The following LYSMD1 variants were observed in gnomAD, a reference collection of about 807,000 sequenced individuals.
LYSMD1 encodes LysM domain containing 1, also known as lysM and putative peptidoglycan-binding domain-containing protein 1.
A neutral mutation model predicts 19.3 loss-of-function variants in LYSMD1; 9 were observed. The observed-to-expected ratio is 0.47, with a 90% CI of 0.28 to 0.81. The LOEUF (loss-of-function observed/expected upper bound fraction) is 0.81, where lower values mean the gene tolerates loss of function less well. Ranked by LOEUF, LYSMD1 falls within the 40% of genes least tolerant of loss-of-function variation. The pLI is 0.11. For synonymous variants in LYSMD1, 111 were observed against 111.7 expected, an observed-to-expected ratio of 0.99 and a Z score of 0.04; for missense variants, 262 against 279.8, an observed-to-expected ratio of 0.94 and a Z score of 0.45.
chr1:151,150,144 CAG>C, the LYSMD1 span, among the ~76,000 whole-genome samples: 2 of 152,106 alleles, frequency 1.3e-5, no homozygotes, highest in East Asian at 1.9e-4. Flanking sequence ...AAAATAGAGG[CAG>C]AGTCTCATTG....
At chr1:151,154,115 C>A in the LYSMD1 span, among the ~76,000 whole-genome samples, 1 of 152,180 alleles carries the variant, frequency 6.6e-6, no homozygotes, top group African/African-American at 2.4e-5. Context: ...TATTTATTGA[C>A]CACAGTATGT....
intron 1 of LYSMD1, among the ~76,000 whole-genome samples, chr1:151,163,715 A>T (rs1222127745): frequency 6.6e-6 from 1 of 151,666 alleles, no homozygotes; most frequent in Non-Finnish European, 1.5e-5. Context: ...TGTTGTAGAG[A>T]TGGGGTTTCA....
chr1:151,163,820 G>A lies in LYSMD1; in HGVS notation c.180+1259C>T, dbSNP rs955712061. Among the ~76,000 whole-genome samples the A allele has an allele frequency of 1.8e-4, 27 of 151,888 alleles. 1 individual carries two copies. Among genetic ancestry groups the A allele is most frequent in the Admixed American group, 1.6e-3 (24 of 15,244 alleles). On this transcript the variant is annotated intron_variant, in intron 1 of 2. Coordinates refer to ENST00000368908, the MANE Select transcript of LYSMD1 (RefSeq NM_212551.5). ...TGGGATTACAGGCATGAGCCACCAC[G>A]CCTGGCCCACCACAGCCCCTTTCCA...
At chr1:151,159,007 T>C, downstream of LYSMD1, 1 of 1,614,266 alleles carries the variant, frequency 6.2e-7, no homozygotes, top group South Asian at 1.1e-5. Context: ...GGCACTTAGC[T>C]TTGGTGAGGT....
At chr1:151,150,731 C>CT in the LYSMD1 span, among the ~76,000 whole-genome samples, 1 of 143,756 alleles carries the variant, frequency 7.0e-6, no homozygotes, top group African/African-American at 2.6e-5. Context: ...CTTTTCTTTT[C>CT]TTTTCTTTTT....
chr1:151,155,740 ACAAAACC>A (rs1683202843), downstream of LYSMD1, among the ~76,000 whole-genome samples: 1 of 151,946 alleles, frequency 6.6e-6, no homozygotes, highest in Admixed American at 6.6e-5. Context: ...AAACAAACAA[ACAAAACC>A]CAATTGTGGC....
the LYSMD1 span, among the ~76,000 whole-genome samples, chr1:151,154,577 A>C: frequency 6.6e-6 from 1 of 152,110 alleles, no homozygotes; most frequent in African/African-American, 2.4e-5. Context: ...TAGGTAGCAG[A>C]ATTCTGAATC....
chr1:151,159,000 A>C, downstream of LYSMD1: 1 of 1,614,258 alleles, frequency 6.2e-7, no homozygotes, highest in Non-Finnish European at 8.5e-7. Context: ...CCATGACGGC[A>C]CTTAGCTTTG....
At chr1:151,159,310 TA>T, downstream of LYSMD1, 1 of 1,524,402 alleles carries the variant, frequency 6.6e-7, no homozygotes, top group Middle Eastern at 1.8e-4. Context: ...AAAACACAGA[TA>T]ATGGGCTTCC....
chr1:151,154,642 T>C, the LYSMD1 span, among the ~76,000 whole-genome samples: 1 of 152,202 alleles, frequency 6.6e-6, no homozygotes, highest in East Asian at 1.9e-4. Flanking sequence ...TTTATTCTTT[T>C]TCTTTTTTCT....
chr1:151,149,851 C>G, the LYSMD1 span, among the ~76,000 whole-genome samples: 31 of 152,288 alleles, frequency 2.0e-4, no homozygotes, highest in African/African-American at 6.3e-4. Context: ...TTGCAAGTTC[C>G]TTTCCTTACC....
At chr1:151,165,005 G>C (rs1683617510) in intron 1 of LYSMD1, 74 bp downstream of exon 1, 2 of 1,330,192 alleles carry the variant, frequency 1.5e-6, no homozygotes, top group South Asian at 1.3e-5. Flanking sequence ...AGGTTACCTA[G>C]AAGGGCCACT....
chr1:151,158,728 C>T (rs1683318399), downstream of LYSMD1: 2 of 1,610,352 alleles, frequency 1.2e-6, no homozygotes, highest in Non-Finnish European at 1.7e-6. Flanking sequence ...GAGCCTGGCA[C>T]TGCAAGCAGA....
At chr1:151,153,465 C>A in the LYSMD1 span, among the ~76,000 whole-genome samples, 1 of 151,590 alleles carries the variant, frequency 6.6e-6, no homozygotes, top group Non-Finnish European at 1.5e-5. Flanking sequence ...CCAGCCTGGC[C>A]AATATGGTGA....
downstream of LYSMD1, chr1:151,159,394 T>C: frequency 1.1e-6 from 1 of 911,906 alleles, no homozygotes; most frequent in Non-Finnish European, 1.6e-6. Context: ...CTTTTGACTC[T>C]GAGACCAGCC....
Position 151,165,642 on chromosome 1 carries a change from C to G in LYSMD1, c.-384G>C, listed in dbSNP as rs906506161. On this transcript the variant is annotated 5_prime_UTR_variant, in exon 1 of 3. Coordinates refer to ENST00000368908, the MANE Select transcript of LYSMD1 (RefSeq NM_212551.5). Reference sequence around the variant, plus strand: ...GGCGCTCCAACATCCCAGCTCTCCCCGGTCCCGGGGTTTGTTTGCTAGAGT... The same window carrying G: ...GGCGCTCCAACATCCCAGCTCTCCCGGGTCCCGGGGTTTGTTTGCTAGAGT... 6.5e-7 allele frequency: 1 copy of G among 1,545,728 alleles called. No individual in the cohort carries two copies. Among genetic ancestry groups the G allele is most frequent in the Non-Finnish European group, 8.7e-7 (1 of 1,145,420 alleles).
At position 151,165,042 on chromosome 1, in the gene LYSMD1, C is replaced by T. The variant is rs1042354925; in HGVS notation, c.180+37G>A. The T allele has an allele frequency of 3.8e-6, 6 of 1,588,076 alleles. No individual in the cohort carries two copies. In the African/African-American group the frequency reaches 6.7e-5, roughly 18 times the overall value. On this transcript the variant is annotated intron_variant, in intron 1 of 2. Coordinates refer to ENST00000368908, the MANE Select transcript of LYSMD1 (RefSeq NM_212551.5). ...CATTCTTCTCAGGACTAAATCCCTC[C>T]TGACTGTTGTCTTCACCCCAATCCT... is the stretch of plus-strand genomic sequence containing the variant.
intron 1 of LYSMD1, 105 bp from the exon 2 acceptor site, chr1:151,162,205 C>A: frequency 8.9e-7 from 1 of 1,125,982 alleles, no homozygotes; most frequent in Non-Finnish European, 1.2e-6. Context: ...TCCATAACAA[C>A]CAAGCTAAAG....
In LYSMD1 at chr1:151,165,536, A is replaced by G; in HGVS notation, c.-278T>C. Reference sequence around the variant, plus strand: ...TTGGACTCCCCCACAACTCCTCGCTACATTGACCTCTGACCTTTGAACTCT... The same window carrying G: ...TTGGACTCCCCCACAACTCCTCGCTGCATTGACCTCTGACCTTTGAACTCT... On this transcript the variant is annotated 5_prime_UTR_variant, in exon 1 of 3. An upstream open reading frame in the 5' UTR loses its in-frame stop. Transcript: ENST00000368908. The G allele has an allele frequency of 6.9e-7, 1 of 1,451,846 alleles. No individual in the cohort carries two copies. The highest frequency in any genetic ancestry group is 1.4e-5 in the African/African-American group (1 of 70,202). 89.9% of individuals were successfully genotyped at this position (1,451,846 alleles called of 1,614,324 possible).
Sources: gnomAD v4.1 joint callset for allele counts (sites outside exome capture counted in the v4.1 genomes callset) on GRCh38, gnomAD v4.1.1 for gene constraint, MANE v1.5 for transcripts, NCBI Gene and HGNC (gene_info 2026-07-23, HGNC 2026-07-21) for gene names.